Variants in SYNE1 observed in about 807,000 individuals in gnomAD.
The protein encoded by SYNE1 is nesprin-1.
Under a neutral mutation model 1,111.0 loss-of-function variants are expected in SYNE1, and 616 were observed. The observed-to-expected ratio is 0.55, with a 90% confidence interval of 0.52 to 0.59. The LOEUF (loss-of-function observed/expected upper bound fraction) is 0.59. Ranked by LOEUF, SYNE1 falls within the 20% of genes least tolerant of loss-of-function variation. SYNE1 has a pLI of 0.00. For synonymous variants in SYNE1, 3,855 were observed against 3,825.8 expected (o/e 1.01, Z -0.28); for missense variants, 10,006 against 10,417.0 (o/e 0.96, Z 1.72).
At position 152,373,186 on chromosome 6, in the gene SYNE1, T is replaced by C. The variant is rs2097217737; in HGVS notation, c.9358A>G (p.Lys3120Glu). 1 of 1,613,404 alleles carries C rather than the reference T, an allele frequency of 6.2e-7. No homozygotes were observed. The highest frequency in any genetic ancestry group is 8.5e-7 in the Non-Finnish European group (1 of 1,179,936). The change falls in exon 59 of 146, where the codon AAG (lysine) becomes GAG (glutamate). Residue 3120 changes from lysine to glutamate, a missense_variant. This residue lies in a region of SYNE1 where 4,955 missense variants were observed against 5,017.2 expected (regional missense o/e 0.99). Coordinates refer to ENST00000367255, the MANE Select transcript of SYNE1 (RefSeq NM_182961.4). ...FLSESENGQHKLNMMLSKGEL... is the reference protein window; with the variant it reads ...FLSESENGQHELNMMLSKGEL... Reference sequence around the variant, plus strand: ...CCTTTAGACAGCATCATGTTTAGCTTGTGCTGTCCATTTTCACTTTCTGAC... The same window carrying C: ...CCTTTAGACAGCATCATGTTTAGCTCGTGCTGTCCATTTTCACTTTCTGAC...
At chr6:152,300,499 G>A (rs1460000940) in intron 93 of SYNE1, 142 bp downstream of exon 93, 6 of 1,182,270 alleles carry the variant, frequency 5.1e-6, no homozygotes, top group East Asian at 4.9e-5. Context: ...CATAGTTTGT[G>A]CAACTATAAC....
chr6:152,378,735 G>C (rs1052549227), intron 56 of SYNE1, among the ~76,000 whole-genome samples: 2 of 152,004 alleles, frequency 1.3e-5, no homozygotes, highest in African/African-American at 2.4e-5. Flanking sequence ...ACTCCTTTAA[G>C]TACCCCCTGC....
intron 127 of SYNE1, among the ~76,000 whole-genome samples, chr6:152,195,899 T>C (rs1192114223): frequency 1.3e-5 from 2 of 152,086 alleles, no homozygotes; most frequent in African/African-American, 4.8e-5. Context: ...TGGCCCCAGG[T>C]GGTCGAGAGA....
intron 100 of SYNE1, among the ~76,000 whole-genome samples, chr6:152,263,975 A>G (rs9383982): frequency 0.65 from 98,507 of 151,646 alleles, 32,398 homozygotes; most frequent in East Asian, 0.82. Context: ...TTGGGAGGCC[A>G]AGGCAGGTGG....
At chr6:152,588,525 T>C (rs1191891371) in intron 3 of SYNE1, among the ~76,000 whole-genome samples, 14 of 152,236 alleles carry the variant, frequency 9.2e-5, no homozygotes, top group Admixed American at 9.2e-4. Context: ...AACTAGGTTC[T>C]AGGACAAGCA....
intron 36 of SYNE1, 55 bp from the exon 37 acceptor site, chr6:152,428,447 A>G (rs1406436418): frequency 8.1e-6 from 13 of 1,596,766 alleles, no homozygotes; most frequent in Middle Eastern, 2.2e-4. Context: ...CGAGGCCTGC[A>G]TTTTTCTTTG....
Position 152,176,402 on chromosome 6 carries a change from A to G in SYNE1, c.23619T>C (p.Ile7873=), listed in dbSNP as rs1189132552. 6.2e-7 allele frequency: 1 copy of G among 1,614,104 alleles called. No individual in the cohort carries two copies. The highest frequency in any genetic ancestry group is 8.5e-7 in the Non-Finnish European group (1 of 1,179,998). The part of the protein sequence containing the change: ...NDRWQHLLDL[I]AARVKKLKET... Reference sequence around the variant, plus strand: ...ACTCAGGTCCTCTTTACCTGGCTGCAATGAGGTCCAGGAGATGCTGCCACC... The same window carrying G: ...ACTCAGGTCCTCTTTACCTGGCTGCGATGAGGTCCAGGAGATGCTGCCACC... The change falls in exon 130 of 146, where the codon ATT becomes ATC. Residue 7873 remains isoleucine (I), a synonymous_variant. Coordinates refer to ENST00000367255, the MANE Select transcript of SYNE1 (RefSeq NM_182961.4).
Position 152,511,090 on chromosome 6 carries a change from T to C in SYNE1, c.323A>G (p.Asn108Ser), listed in dbSNP as rs755678809. 1.4e-5 allele frequency: 23 copies of C among 1,613,778 alleles called. No homozygotes were observed. The highest frequency in any genetic ancestry group is 1.7e-5 in the Admixed American group (1 of 59,998). ...ATCAGCTATATCGGTGGAGTTAATGTTGACTAATTTAATCTGTTTAAAAAA... is the reference window on the plus strand; with the variant it reads ...ATCAGCTATATCGGTGGAGTTAATGCTGACTAATTTAATCTGTTTAAAAAA... ...FLEGRKIKLV[N>S]INSTDIADGR... The change falls in exon 7 of 146, where the codon AAC becomes AGC. Residue 108 changes from asparagine to serine, a missense_variant. This residue lies in a region of SYNE1 where 1,971 missense variants were observed against 2,084.1 expected (regional missense o/e 0.95). Transcript: ENST00000367255.
rs1420307788 is a variant in SYNE1, at chr6:152,140,175, C to T, written c.25247-14G>A. 6.2e-7 allele frequency: 1 copy of T among 1,613,548 alleles called. No homozygotes were observed. The highest frequency in any genetic ancestry group is 1.7e-4 in the Middle Eastern group (1 of 6,060). On this transcript the variant is annotated splice_polypyrimidine_tract_variant and intron_variant, in intron 139 of 145. Transcript: ENST00000367255. ...GGTCAATCACACCTGGCAAGACATG[C>T]ATAGAACAGTGAGGTTATTTTCCTC...
In SYNE1 at chr6:152,333,941, A is replaced by G. The variant is rs2096313486; in HGVS notation, c.12794+67T>C. 4 of 1,608,802 alleles carry G rather than the reference A, an allele frequency of 2.5e-6. No homozygotes were observed. In the Admixed American group the frequency reaches 6.7e-5, roughly 27 times the overall value. On this transcript the variant is annotated intron_variant, in intron 77 of 145. Coordinates refer to ENST00000367255, the MANE Select transcript of SYNE1 (RefSeq NM_182961.4). ...AGCCACTGCACCTGGGCACATTTTA[A>G]ATTTTTATAGATATTAAGAAATGTC...
At position 152,344,124 on chromosome 6, in the gene SYNE1, G is replaced by A. The variant is rs148036239; in HGVS notation, c.12182C>T (p.Pro4061Leu). The change falls in exon 74 of 146, where the codon CCA (proline) becomes CTA (leucine). Residue 4061 changes from proline to leucine, a missense_variant. By Grantham distance (98) the Pro-to-Leu change is moderately conservative (BLOSUM62 -3). Coordinates refer to ENST00000367255, the MANE Select transcript of SYNE1 (RefSeq NM_182961.4). ...WLSAVQPDLEPSPQPPLSRAE... is the reference protein window; with the variant it reads ...WLSAVQPDLELSPQPPLSRAE... ...CCTACTAAGAGGTGGTTGAGGACTT[G>A]GCTCTAAATCCGGCTGGACTGCAGA... 38 of 1,614,108 alleles carry A rather than the reference G, an allele frequency of 2.4e-5. No individual in the cohort carries two copies. The highest frequency in any genetic ancestry group is 3.0e-5 in the Non-Finnish European group (35 of 1,180,042).
intron 126 of SYNE1, among the ~76,000 whole-genome samples, chr6:152,203,426 C>A (rs1003222765): frequency 3.9e-5 from 6 of 152,094 alleles, no homozygotes; most frequent in African/African-American, 1.4e-4. Flanking sequence ...CTCTCCAATC[C>A]AGGCCTTCCT....
At chr6:152,539,189 G>C (rs1417253145) in intron 4 of SYNE1, among the ~76,000 whole-genome samples, 1 of 152,160 alleles carries the variant, frequency 6.6e-6, no homozygotes, top group Non-Finnish European at 1.5e-5. Context: ...CTTGAAGGGA[G>C]AGTCAACATA....
At chr6:152,517,050 C>T (rs543938516) in intron 6 of SYNE1, among the ~76,000 whole-genome samples, 1 of 152,322 alleles carries the variant, frequency 6.6e-6, no homozygotes, top group Admixed American at 6.5e-5. Flanking sequence ...GTTTTGCACA[C>T]TATCCTAATG....
At chr6:152,321,216 T>C in intron 84 of SYNE1, 22 bp downstream of exon 84, 1 of 1,612,920 alleles carries the variant, frequency 6.2e-7, no homozygotes, top group African/African-American at 1.3e-5. Context: ...GGAAAGACAC[T>C]CTTTCTTGAT....
rs766019755 is a variant in SYNE1, at chr6:152,390,392, C to T, written c.8065G>A (p.Glu2689Lys). The change falls in exon 53 of 146, where the codon GAA becomes AAA. Residue 2689 changes from glutamate to lysine, a missense_variant. Glu to Lys is a moderately conservative substitution (Grantham distance 56). Around this residue, in one of 7 missense-constraint regions of SYNE1, gnomAD observed 4,955 missense variants for 5,017.2 expected, o/e 0.99. Transcript: ENST00000367255. ...VKLNMAIGKG[E>K]QALRSSNKEG... ...TTGTTGCTACTTCTCAAGGCCTGTT[C>T]CCCCTTGCCAATGGCCATATTCAAC... 3.7e-6 allele frequency: 6 copies of T among 1,614,132 alleles called. No homozygotes were observed. The highest frequency in any genetic ancestry group is 5.1e-6 in the Non-Finnish European group (6 of 1,180,010).
intron 129 of SYNE1, among the ~76,000 whole-genome samples, chr6:152,177,762 G>A (rs564096079): frequency 6.6e-6 from 1 of 152,248 alleles, no homozygotes; most frequent in East Asian, 1.9e-4. Context: ...ATTGAGAAGT[G>A]TTTCTTTCAA....
Position 152,326,132 on chromosome 6 carries a change from T to C in SYNE1, c.15294-30A>G, listed in dbSNP as rs2096061064. The C allele has an allele frequency of 1.9e-6, 3 of 1,614,080 alleles. No homozygotes were observed. In the East Asian group the frequency reaches 6.7e-5, roughly 36 times the overall value. On this transcript the variant is annotated intron_variant, in intron 79 of 145. Transcript: ENST00000367255. Reference sequence around the variant, plus strand: ...AAAGAGTCCAACAGAAACTGATAAGTAGCACGAAATCACGTATTTCTACAC... The same window carrying C: ...AAAGAGTCCAACAGAAACTGATAAGCAGCACGAAATCACGTATTTCTACAC...
chr6:152,427,802 A>G lies in SYNE1; in HGVS notation c.4991T>C (p.Leu1664Pro). 1 of 1,614,098 alleles carries G rather than the reference A, an allele frequency of 6.2e-7. No individual in the cohort carries two copies. Among genetic ancestry groups the G allele is most frequent in the Non-Finnish European group, 8.5e-7 (1 of 1,180,024 alleles). ...LAHWQRLEKE[L>P]SSFLTWLERG... is the part of the protein sequence containing the mutation. ...CTCTAACCAGGTCAAAAAGGATGAT[A>G]GTTCTTTCTCTAGCCTAAAGGAAGC... Residue 1664 changes from leucine (L) to proline (P), a missense_variant, in exon 38 of 146, where the codon CTA becomes CCA. Transcript: ENST00000367255.
Sources: gnomAD v4.1 joint callset for allele counts (sites outside exome capture counted in the v4.1 genomes callset) on GRCh38, gnomAD v4.1.1 for gene constraint, gnomAD v4.1.1 regional missense constraint, MANE v1.5 for transcripts, NCBI Gene and HGNC (gene_info 2026-07-23, HGNC 2026-07-21) for gene names.